The following EML5 variants were observed in gnomAD, a reference collection of about 807,000 sequenced individuals.
The protein encoded by EML5 is echinoderm microtubule-associated protein-like 5.
EML5 carries 120 observed loss-of-function variants against 250.0 expected under a neutral mutation model. The observed-to-expected ratio is 0.48, with a 90% CI of 0.41 to 0.56. The LOEUF (loss-of-function observed/expected upper bound fraction) is 0.56. Among genes scored for constraint, EML5 ranks in the 20% least tolerant of loss-of-function variants. The pLI is 0.00. For synonymous variants in EML5, 771 were observed against 806.5 expected (o/e 0.96, Z 0.75); for missense variants, 2,006 against 2,437.6 (o/e 0.82, Z 3.73).
At position 88,685,619 on chromosome 14, in the gene EML5, A is replaced by AT. The variant is rs147919424; in HGVS notation, c.2855-478dup. Among the ~76,000 whole-genome samples, 700 of 149,746 alleles carry AT rather than the reference A, an allele frequency of 4.7e-3. 7 individuals are homozygous for AT. Among genetic ancestry groups the AT allele is most frequent in the African/African-American group, 0.015 (607 of 40,932 alleles). On this transcript the variant is annotated intron_variant, in intron 19 of 43. Transcript: ENST00000554922. The stretch of plus-strand genomic sequence containing the variant: ...ATAACCCACATACATCATTCCATAT[A>AT]TTTTTTTTTTCAGTAGGGTGGGGTT...
intron 28 of EML5, among the ~76,000 whole-genome samples, chr14:88,648,703 C>T (rs2091472216): frequency 6.6e-6 from 1 of 152,056 alleles, no homozygotes; most frequent in South Asian, 2.1e-4. Context: ...TCCCTTCCTC[C>T]TGTGCTTTCT....
rs1398945451 is a variant in EML5, at chr14:88,792,299, C to G, written c.197+8G>C. The G allele has an allele frequency of 2.6e-5, 40 of 1,549,538 alleles. No homozygotes were observed. The highest frequency in any genetic ancestry group is 3.3e-5 in the Non-Finnish European group (38 of 1,148,842). Reference sequence around the variant, plus strand: ...AGGGTGACGGCGGCGGCCCCCGCTCCCCGGTACCTGATGATGTCGTCGCTG... The same window carrying G: ...AGGGTGACGGCGGCGGCCCCCGCTCGCCGGTACCTGATGATGTCGTCGCTG... On this transcript the variant is annotated splice_region_variant and intron_variant, in intron 1 of 43. Coordinates refer to ENST00000554922, the MANE Select transcript of EML5 (RefSeq NM_183387.3). This position sits in a 1 kb window ranked among gnomAD's most constrained non-coding sequence, Gnocchi z 6.9.
Position 88,644,504 on chromosome 14 carries a change from C to A in EML5, c.4036G>T (p.Val1346Leu). 6.2e-7 allele frequency: 1 copy of A among 1,613,648 alleles called. No homozygotes were observed. Among genetic ancestry groups the A allele is most frequent in the South Asian group, 1.1e-5 (1 of 91,066 alleles). ...QGVVRGSRPP[V>L]SRAPPQPEKL... ...TCTGGCTGTGGTGGGGCCCTGCTCA[C>A]TGGAGGCCTGCAACAGAGAAGTGGG... is the stretch of plus-strand genomic sequence containing the variant. The change falls in exon 30 of 44, where the codon GTG (valine) becomes TTG (leucine). Residue 1346 changes from valine to leucine, a missense_variant. Around this residue, in one of 7 missense-constraint regions of EML5, gnomAD observed 1,375 missense variants for 1,590.3 expected, o/e 0.86. Coordinates refer to ENST00000554922, the MANE Select transcript of EML5 (RefSeq NM_183387.3).
chr14:88,665,726 G>GAGGGA (rs1344025389), intron 21 of EML5, among the ~76,000 whole-genome samples: 1 of 152,144 alleles, frequency 6.6e-6, no homozygotes, highest in Non-Finnish European at 1.5e-5. Flanking sequence ...GAAGAGAGAA[G>GAGGGA]AGGGAAGGGA....
At chr14:88,658,537 G>T in intron 25 of EML5, 149 bp from the exon 26 acceptor site, 1 of 638,718 alleles carries the variant, frequency 1.6e-6, no homozygotes, top group Non-Finnish European at 2.5e-6. Flanking sequence ...AAACTCAGCA[G>T]AATAAAAGAT....
intron 21 of EML5, among the ~76,000 whole-genome samples, chr14:88,672,037 C>T (rs1426415891): frequency 3.9e-5 from 6 of 152,020 alleles, no homozygotes; most frequent in Non-Finnish European, 7.4e-5. Flanking sequence ...AACTCAGCTC[C>T]GGATCAAGCG....
chr14:88,636,108 C>A (rs2090710670), intron 32 of EML5, among the ~76,000 whole-genome samples: 1 of 152,210 alleles, frequency 6.6e-6, no homozygotes, highest in Non-Finnish European at 1.5e-5. Context: ...TCCACCCCTA[C>A]ACAAAGAACA....
chr14:88,746,103 T>C (rs1304430191), intron 3 of EML5, 82 bp downstream of exon 3: 1 of 1,125,660 alleles, frequency 8.9e-7, no homozygotes, highest in Non-Finnish European at 1.3e-6. Flanking sequence ...AATAACAAAA[T>C]ACAGAAGAAT....
intron 5 of EML5, 30 bp downstream of exon 5, chr14:88,740,357 A>C (rs757632333): frequency 6.4e-7 from 1 of 1,560,304 alleles, no homozygotes; most frequent in South Asian, 1.2e-5. Flanking sequence ...AATACACATG[A>C]AAGTGTTTAA....
At chr14:88,675,847 T>C (rs989112762) in intron 21 of EML5, among the ~76,000 whole-genome samples, 1 of 152,116 alleles carries the variant, frequency 6.6e-6, no homozygotes, top group Non-Finnish European at 1.5e-5. Flanking sequence ...ATACCCTAAA[T>C]CATCTCCCTC....
chr14:88,612,836 C>T lies in EML5; in HGVS notation c.*2982G>A, dbSNP rs2086986141. ...CTGTTAAGGCAAGAAGTGTCAAATG[C>T]TTTAGAGTTAAATAACAGATCACTG... is the stretch of plus-strand genomic sequence containing the variant. On this transcript the variant is annotated 3_prime_UTR_variant, in exon 44 of 44. Transcript: ENST00000554922. 6.6e-6 allele frequency: 1 copy of T among 152,422 alleles called. No individual in the cohort carries two copies. The highest frequency in any genetic ancestry group is 1.5e-5 in the Non-Finnish European group (1 of 68,012). The allele number at this position is 152,422 out of a possible 1,614,324, so 9.4% of individuals were successfully genotyped here.
intron 1 of EML5, among the ~76,000 whole-genome samples, chr14:88,779,983 TC>T (rs2094481494): frequency 6.6e-6 from 1 of 152,164 alleles, no homozygotes; most frequent in Non-Finnish European, 1.5e-5. Flanking sequence ...GGAGTCTTGC[TC>T]TGTTGCCCAG....
chr14:88,645,538 C>T (rs1260804053), intron 29 of EML5, among the ~76,000 whole-genome samples: 1 of 152,128 alleles, frequency 6.6e-6, no homozygotes, highest in Non-Finnish European at 1.5e-5. Context: ...AGTGAATTTT[C>T]GTAATATTTC....
intron 1 of EML5, among the ~76,000 whole-genome samples, chr14:88,766,825 T>C (rs1278941895): frequency 6.6e-6 from 1 of 152,090 alleles, no homozygotes; most frequent in African/African-American, 2.4e-5. Flanking sequence ...TTAAAATTTC[T>C]CTCTTTTGTA....
chr14:88,731,147 G>A (rs545937343), intron 7 of EML5, among the ~76,000 whole-genome samples: 12 of 151,948 alleles, frequency 7.9e-5, no homozygotes, highest in East Asian at 3.9e-4. Flanking sequence ...GTATACATGC[G>A]CCATGTTGGT....
At chr14:88,709,188 T>C (rs976080448) in intron 10 of EML5, among the ~76,000 whole-genome samples, 1 of 151,928 alleles carries the variant, frequency 6.6e-6, no homozygotes, top group African/African-American at 2.4e-5. Flanking sequence ...TTTCTGACCC[T>C]AGTAAAAGTA....
intron 39 of EML5, 84 bp from the exon 40 acceptor site, chr14:88,618,896 C>A: frequency 7.1e-7 from 1 of 1,402,666 alleles, no homozygotes; most frequent in South Asian, 1.6e-5. Flanking sequence ...CTTTCTAGTT[C>A]TTAAAAGTAA....
chr14:88,781,365 G>A (rs1446069725), intron 1 of EML5, among the ~76,000 whole-genome samples: 1 of 151,890 alleles, frequency 6.6e-6, no homozygotes, highest in Non-Finnish European at 1.5e-5. Flanking sequence ...TGAGAATTTT[G>A]GTTCTCAAAT....
chr14:88,751,507 GT>G (rs71301972), intron 2 of EML5, among the ~76,000 whole-genome samples: 1 of 151,136 alleles, frequency 6.6e-6, no homozygotes, highest in Non-Finnish European at 1.5e-5. Context: ...AAGAGGAAGA[GT>G]TTTTTTTTGT....
Sources: allele counts gnomAD v4.1 joint callset (sites outside exome capture counted in the v4.1 genomes callset), GRCh38; gene constraint gnomAD v4.1.1; regional missense constraint gnomAD v4.1.1; non-coding constraint Gnocchi (gnomAD v3.1); transcripts MANE v1.5; gene names NCBI Gene and HGNC (gene_info 2026-07-23, HGNC 2026-07-21).